Variants in RELN observed in about 807,000 individuals in gnomAD.
RELN encodes the protein reelin.
RELN carries 108 observed loss-of-function variants against 427.6 expected under a neutral mutation model. That is an observed-to-expected ratio of 0.25 (90% CI 0.22 to 0.30). The LOEUF (loss-of-function observed/expected upper bound fraction) is 0.30. Ranked by LOEUF, RELN falls within the 10% of genes least tolerant of loss-of-function variation. RELN has a pLI of 1.00. For synonymous variants in RELN, 1,524 were observed against 1,513.4 expected (o/e 1.01, Z -0.16); for missense variants, 3,715 against 4,302.8 (o/e 0.86, Z 3.82).
Position 103,497,006 on chromosome 7 carries a change from AAAAT to A in RELN, c.8951-242_8951-239del, listed in dbSNP as rs1449461031. ...TGGCCAAAATAAAAACACTGAAGTA[AAAAT>A]AAGTTATGTTTTGCTTTTAAAATTT... On this transcript the variant is annotated intron_variant, in intron 55 of 64. Transcript: ENST00000428762. Among the ~76,000 whole-genome samples the A allele has an allele frequency of 2.6e-5, 4 of 152,226 alleles. No individual in the cohort carries two copies. The East Asian group carries it at 5.8e-4, about 22-fold the overall frequency.
intron 20 of RELN, among the ~76,000 whole-genome samples, chr7:103,618,550 A>G (rs1294814163): frequency 2.6e-5 from 4 of 152,234 alleles, no homozygotes; most frequent in Admixed American, 6.5e-5. Flanking sequence ...TCAGGAATCA[A>G]AAATCTTTTG....
In RELN at chr7:103,913,963, T is replaced by C. The variant is rs75644627; in HGVS notation, c.337+3112A>G. Among the ~76,000 whole-genome samples the C allele has an allele frequency of 3.7e-3, 566 of 152,294 alleles. 10 individuals carry two copies. In the East Asian group the frequency reaches 0.058, roughly 16 times the overall value. On this transcript the variant is annotated intron_variant, in intron 2 of 64. Transcript: ENST00000428762. ...AGGATCTAGTGTAAGACCTGAGCTA[T>C]GGAAGTCGCTGATGGGCTCTGCCCA...
chr7:103,848,680 C>A (rs1427984473), intron 2 of RELN, among the ~76,000 whole-genome samples: 2 of 152,048 alleles, frequency 1.3e-5, no homozygotes, highest in East Asian at 3.9e-4. Context: ...AAGGAAGGAA[C>A]TATGGGAATT....
intron 2 of RELN, among the ~76,000 whole-genome samples, chr7:103,872,130 G>A (rs900928500): frequency 1.5e-5 from 2 of 137,418 alleles, no homozygotes; most frequent in African/African-American, 5.3e-5. Context: ...AGTTACATAT[G>A]TATACATGTG....
chr7:103,931,142 C>T lies in RELN; in HGVS notation c.227-13957G>A, dbSNP rs1795855922. ...TTATTAGGCGGGTACCAAGAATCCCCCAGAATCCCATCCAAGCCTCCCCAT... is the reference window on the plus strand; with the variant it reads ...TTATTAGGCGGGTACCAAGAATCCCTCAGAATCCCATCCAAGCCTCCCCAT... On this transcript the variant is annotated intron_variant, in intron 1 of 64. Coordinates refer to ENST00000428762, the MANE Select transcript of RELN (RefSeq NM_005045.4). Among the ~76,000 whole-genome samples the T allele has an allele frequency of 2.0e-5, 3 of 152,032 alleles. No homozygotes were observed. In the South Asian group the frequency reaches 6.2e-4, roughly 32 times the overall value.
At chr7:103,909,690 T>C (rs1381654773) in intron 2 of RELN, among the ~76,000 whole-genome samples, 1 of 68,720 alleles carries the variant, frequency 1.5e-5, no homozygotes, top group East Asian at 4.3e-4. Context: ...ATTTAATAAA[T>C]ATATATATTT....
intron 46 of RELN, among the ~76,000 whole-genome samples, chr7:103,528,638 T>G (rs1255391389): frequency 6.6e-6 from 1 of 151,972 alleles, no homozygotes; most frequent in African/African-American, 2.4e-5. Context: ...AAGCGATCCT[T>G]ATGCCTCAGC....
At chr7:103,604,298 A>C (rs1431630182) in intron 23 of RELN, 48 bp downstream of exon 23, 3 of 1,612,138 alleles carry the variant, frequency 1.9e-6, no homozygotes, top group Non-Finnish European at 2.5e-6. Context: ...TCCTCCAGCC[A>C]CAAATCTTGA....
chr7:103,749,815 T>C (rs535373587), intron 5 of RELN, among the ~76,000 whole-genome samples: 1 of 152,326 alleles, frequency 6.6e-6, no homozygotes, highest in African/African-American at 2.4e-5. Context: ...TCGGGACTTG[T>C]CTTCCTTCAG....
intron 2 of RELN, among the ~76,000 whole-genome samples, chr7:103,849,226 T>C (rs1445861315): frequency 6.6e-6 from 1 of 152,248 alleles, no homozygotes; most frequent in East Asian, 1.9e-4. Context: ...CTACTTTTCC[T>C]ACTCAATCAA....
At chr7:103,516,350 A>G (rs1181655653) in intron 49 of RELN, among the ~76,000 whole-genome samples, 1 of 151,442 alleles carries the variant, frequency 6.6e-6, no homozygotes, top group Non-Finnish European at 1.5e-5. Context: ...CAGTGGTACA[A>G]TCTCGGCTCA....
In RELN at chr7:103,663,765, C is replaced by T. The variant is rs566836810; in HGVS notation, c.1290-2238G>A. ...TCTGCCTGTCTAGATCCAAGCCCTG[C>T]AATGACCACCTGGTCTTTAGCTTCT... is the stretch of plus-strand genomic sequence containing the variant. On this transcript the variant is annotated intron_variant, in intron 11 of 64. Coordinates refer to ENST00000428762, the MANE Select transcript of RELN (RefSeq NM_005045.4). 1.3e-3 allele frequency among the ~76,000 whole-genome samples: 199 copies of T among 152,314 alleles called. 1 individual carries two copies. The highest frequency in any genetic ancestry group is 0.01 in the Middle Eastern group (3 of 294).
At chr7:103,941,370 A>G (rs530342467) in intron 1 of RELN, among the ~76,000 whole-genome samples, 1 of 152,310 alleles carries the variant, frequency 6.6e-6, no homozygotes, top group Non-Finnish European at 1.5e-5. Flanking sequence ...AAGGGCATGG[A>G]AGAATACAAA....
chr7:103,698,726 G>A (rs1309418617), intron 9 of RELN, among the ~76,000 whole-genome samples: 2 of 151,900 alleles, frequency 1.3e-5, no homozygotes, highest in Non-Finnish European at 2.9e-5. Flanking sequence ...TGTTGCCTGG[G>A]CTGGTCTCAA....
intron 3 of RELN, among the ~76,000 whole-genome samples, chr7:103,828,105 G>A (rs1012898096): frequency 1.3e-5 from 2 of 151,886 alleles, no homozygotes; most frequent in Non-Finnish European, 2.9e-5. Context: ...TGATGTGTCC[G>A]TCTGATGAAT....
chr7:103,604,291 T>G (rs1404770857), intron 23 of RELN, 55 bp downstream of exon 23: 48 of 1,608,838 alleles, frequency 3.0e-5, no homozygotes, highest in Non-Finnish European at 3.7e-5. Flanking sequence ...TGTGGTATCC[T>G]CCAGCCACAA....
intron 2 of RELN, among the ~76,000 whole-genome samples, chr7:103,882,104 C>A (rs1328969160): frequency 6.6e-6 from 1 of 152,084 alleles, no homozygotes; most frequent in African/African-American, 2.4e-5. Context: ...TTCTCTGAAC[C>A]AAAGCACAGG....
In RELN at chr7:103,528,684, G is replaced by A. The variant is rs112175464; in HGVS notation, c.7350-5153C>T. On this transcript the variant is annotated intron_variant, in intron 46 of 64. Coordinates refer to ENST00000428762, the MANE Select transcript of RELN (RefSeq NM_005045.4). Reference sequence around the variant, plus strand: ...ACTGGGATTACAGGCATGCACCACCGCGCCCGGCTAATTTTTGTATTTTTA... The same window carrying A: ...ACTGGGATTACAGGCATGCACCACCACGCCCGGCTAATTTTTGTATTTTTA... 3.2e-4 allele frequency among the ~76,000 whole-genome samples: 48 copies of A among 151,744 alleles called. 2 individuals carry two copies. The South Asian group carries it at 3.3e-3, about 11-fold the overall frequency.
intron 4 of RELN, among the ~76,000 whole-genome samples, chr7:103,773,139 T>TCTTTCTTC (rs1791622648): frequency 1.0e-5 from 1 of 97,598 alleles, no homozygotes; most frequent in African/African-American, 3.5e-5. Flanking sequence ...TTTCTTTCTT[T>TCTTTCTTC]CTTTCTTTCT....
Sources: gnomAD v4.1 joint callset for allele counts (sites outside exome capture counted in the v4.1 genomes callset) on GRCh38, gnomAD v4.1.1 for gene constraint, MANE v1.5 for transcripts, NCBI Gene and HGNC (gene_info 2026-07-23, HGNC 2026-07-21) for gene names.